Variants in PRDM5 observed in about 807,000 individuals in gnomAD.
PRDM5 encodes the protein PR domain zinc finger protein 5.
Under a neutral mutation model 81.2 loss-of-function variants are expected in PRDM5, and 56 were observed. The ratio of observed to expected loss-of-function variants is 0.69; its 90% CI spans 0.56 to 0.86. The LOEUF (loss-of-function observed/expected upper bound fraction) is 0.86, where lower values mean the gene tolerates loss of function less well. PRDM5 is among the 40% of genes least tolerant of loss of function. The pLI is 0.00. For synonymous variants in PRDM5, 267 were observed against 256.4 expected, an observed-to-expected ratio of 1.04 and a Z score of -0.39; for missense variants, 697 against 770.1, an observed-to-expected ratio of 0.91 and a Z score of 1.12.
chr4:120,833,216 G>C (rs775131936), intron 3 of PRDM5, among the ~76,000 whole-genome samples: 1 of 152,080 alleles, frequency 6.6e-6, no homozygotes, highest in African/African-American at 2.4e-5. Flanking sequence ...GTTTTAAATT[G>C]GATGCCATTC....
chr4:120,837,196 AAGGATATATT>A (rs1757460503), intron 3 of PRDM5: 1 of 152,236 alleles, frequency 6.6e-6, no homozygotes, highest in South Asian at 2.1e-4. Context: ...AGATTTCCTG[AAGGATATATT>A]TAATCTCTGA....
At chr4:120,831,218 T>G (rs944842214) in intron 3 of PRDM5, among the ~76,000 whole-genome samples, 2 of 152,074 alleles carry the variant, frequency 1.3e-5, no homozygotes, top group Non-Finnish European at 2.9e-5. Flanking sequence ...TTATTGCAAA[T>G]TTGCTTTATT....
chr4:120,894,032 G>T (rs1321937950), intron 2 of PRDM5, among the ~76,000 whole-genome samples: 2 of 152,096 alleles, frequency 1.3e-5, no homozygotes, highest in South Asian at 4.2e-4. Context: ...TTAGCACAAT[G>T]ATTGATCTAA....
At chr4:120,872,156 A>AAAAAAAAAAAAAAAAAAAC (rs1761885588) in intron 2 of PRDM5, among the ~76,000 whole-genome samples, 1 of 141,054 alleles carries the variant, frequency 7.1e-6, no homozygotes, top group Non-Finnish European at 1.6e-5. Flanking sequence ...ATCTCAAAAA[A>AAAAAAAAAAAAAAAAAAAC]AAAAAAAAAA....
intron 8 of PRDM5, chr4:120,810,444 A>C (rs1197668442): frequency 6.6e-6 from 1 of 152,098 alleles, no homozygotes; most frequent in African/African-American, 2.4e-5. Context: ...TTCTGCATAA[A>C]ATTTTTCCTT....
chr4:120,805,397 A>C, intron 8 of PRDM5, among the ~76,000 whole-genome samples: 1 of 152,212 alleles, frequency 6.6e-6, no homozygotes, highest in Non-Finnish European at 1.5e-5. Flanking sequence ...AGACAGAATA[A>C]AAAAAGAGAA....
intron 15 of PRDM5, among the ~76,000 whole-genome samples, chr4:120,699,300 A>G (rs1319614468): frequency 6.6e-6 from 1 of 150,650 alleles, no homozygotes; most frequent in Non-Finnish European, 1.5e-5. Flanking sequence ...ACTGACTAGT[A>G]GTATTAACTC....
At chr4:120,884,381 T>C (rs566969907) in intron 2 of PRDM5, among the ~76,000 whole-genome samples, 4 of 152,274 alleles carry the variant, frequency 2.6e-5, no homozygotes, top group African/African-American at 9.6e-5. Flanking sequence ...TTACACTTTC[T>C]CTCTACTTGA....
chr4:120,730,358 C>T (rs566579087), intron 14 of PRDM5, among the ~76,000 whole-genome samples: 3 of 151,826 alleles, frequency 2.0e-5, no homozygotes, highest in East Asian at 3.9e-4. Context: ...ATAATGTTAC[C>T]CAAAATTGAA....
chr4:120,805,557 C>T (rs1752789594), intron 8 of PRDM5, among the ~76,000 whole-genome samples: 1 of 152,046 alleles, frequency 6.6e-6, no homozygotes, highest in Admixed American at 6.6e-5. Flanking sequence ...ATACACAAAT[C>T]AAAAAATGTA....
intron 10 of PRDM5, among the ~76,000 whole-genome samples, chr4:120,793,174 C>T (rs946445261): frequency 4.6e-5 from 7 of 152,100 alleles, no homozygotes; most frequent in Non-Finnish European, 7.4e-5. Context: ...ACCGCCTGAG[C>T]CCCACCTCCT....
chr4:120,708,640 T>C (rs1736529003), intron 15 of PRDM5, among the ~76,000 whole-genome samples: 1 of 152,074 alleles, frequency 6.6e-6, no homozygotes, highest in Admixed American at 6.6e-5. Context: ...ATCATGTGAA[T>C]TTCACCTCAA....
chr4:120,821,347 T>C lies in PRDM5; in HGVS notation c.301-2A>G. ...CAAATAGAAAATGTTTTCTCCTTCCTGAAACAAATTTTTTTAAATGCTGAA... is the reference window on the plus strand; with the variant it reads ...CAAATAGAAAATGTTTTCTCCTTCCCGAAACAAATTTTTTTAAATGCTGAA... On this transcript the variant is annotated splice_acceptor_variant, in intron 3 of 15. Transcript: ENST00000264808. LOFTEE classifies it high-confidence loss of function. 1 of 1,612,862 alleles carries C rather than the reference T, an allele frequency of 6.2e-7. No homozygotes were observed. Among genetic ancestry groups the C allele is most frequent in the Non-Finnish European group, 8.5e-7 (1 of 1,179,092 alleles).
chr4:120,878,710 T>G (rs1269365251), intron 2 of PRDM5, among the ~76,000 whole-genome samples: 2 of 152,218 alleles, frequency 1.3e-5, no homozygotes, highest in Non-Finnish European at 2.9e-5. Flanking sequence ...AACTCAATTT[T>G]TTAAATGAGC....
intron 3 of PRDM5, among the ~76,000 whole-genome samples, chr4:120,844,063 CAGG>C (rs1355326247): frequency 6.6e-6 from 1 of 152,122 alleles, no homozygotes; most frequent in Non-Finnish European, 1.5e-5. Flanking sequence ...CACTGTGGGG[CAGG>C]CTCACTAGGA....
rs144768465 is a variant in PRDM5 at position 120,729,895 on chromosome 4, T to C, written c.1624-19482A>G. On this transcript the variant is annotated intron_variant, in intron 14 of 15. Coordinates refer to ENST00000264808, the MANE Select transcript of PRDM5 (RefSeq NM_018699.4). ...CTTGGTGTGGTCCCAGCAAGAAACA[T>C]CAGAACAGGAATCCTGAGGACCATG... Among the ~76,000 whole-genome samples the C allele has an allele frequency of 5.5e-4, 84 of 152,248 alleles. 1 individual carries two copies. In the East Asian group the frequency reaches 0.01, roughly 19 times the overall value.
At chr4:120,850,756 C>T (rs1261162746) in intron 3 of PRDM5, among the ~76,000 whole-genome samples, 1 of 152,090 alleles carries the variant, frequency 6.6e-6, no homozygotes, top group East Asian at 1.9e-4. Flanking sequence ...TTAATAATTT[C>T]TTGGAGTACC....
At chr4:120,818,128 G>T in intron 5 of PRDM5, 1 of 513,840 alleles carries the variant, frequency 1.9e-6, no homozygotes, top group Non-Finnish European at 3.5e-6. Context: ...CAGTGTTTAT[G>T]TGTTAAAATC....
intron 14 of PRDM5, among the ~76,000 whole-genome samples, chr4:120,752,944 CT>C (rs1215800744): frequency 6.6e-6 from 1 of 152,106 alleles, no homozygotes; most frequent in East Asian, 1.9e-4. Context: ...TCATTAATAA[CT>C]TTATATTAAA....
Sources: gnomAD v4.1 joint callset for allele counts (sites outside exome capture counted in the v4.1 genomes callset) on GRCh38, gnomAD v4.1.1 for gene constraint, MANE v1.5 for transcripts, NCBI Gene and HGNC (gene_info 2026-07-23, HGNC 2026-07-21) for gene names.